Variants in NBEAL2 observed in about 807,000 individuals in gnomAD.
NBEAL2 encodes the protein neurobeachin-like protein 2.
Under a neutral mutation model 299.8 loss-of-function variants are expected in NBEAL2, and 160 were observed. The observed-to-expected ratio is 0.53, with a 90% CI of 0.47 to 0.61. The LOEUF (loss-of-function observed/expected upper bound fraction) is 0.61. NBEAL2 is among the 20% of genes least tolerant of loss of function. The pLI, the probability that NBEAL2 is intolerant of heterozygous loss-of-function variation, is 0.00. For synonymous variants in NBEAL2, 1,493 were observed against 1,542.3 expected (o/e 0.97, Z 0.75); for missense variants, 3,112 against 3,649.0 (o/e 0.85, Z 3.79).
intron 45 of NBEAL2, 73 bp from the exon 46 acceptor site, chr3:47,006,993 A>G (rs891611400): frequency 2.4e-6 from 3 of 1,250,258 alleles, no homozygotes; most frequent in Non-Finnish European, 3.3e-6. Context: ...AAAGGAAGGG[A>G]TGATGCTTCA....
chr3:46,993,967 G>T lies in NBEAL2; in HGVS notation c.1144G>T (p.Val382Phe). Residue 382 changes from valine to phenylalanine, a missense_variant, in exon 11 of 54, where the codon GTC (valine) becomes TTC (phenylalanine). Val to Phe is a conservative substitution (Grantham distance 50). Transcript: ENST00000450053. ...GGACCAAGACACAGACGCCATTGCA[G>T]TCCATGTAGTCAGAGTGCTGACCTG... ...VLDQDTDAIAVHVVRVLTCIM... is the reference protein window; with the variant it reads ...VLDQDTDAIAFHVVRVLTCIM... 1 of 1,611,854 alleles carries T rather than the reference G, an allele frequency of 6.2e-7. No homozygotes were observed. The highest frequency in any genetic ancestry group is 8.5e-7 in the Non-Finnish European group (1 of 1,179,238).
At position 47,009,446 on chromosome 3, in the gene NBEAL2, A is replaced by T; in HGVS notation, c.*126A>T. The T allele has an allele frequency of 1.2e-6, 1 of 866,196 alleles. No homozygotes were observed. The highest frequency in any genetic ancestry group is 1.8e-6 in the Non-Finnish European group (1 of 556,604). The allele number at this position is 866,196 out of a possible 1,614,324, so 53.7% of individuals were successfully genotyped here. ...GGGGTGAGCGGGGCCCACCCTGCCC[A>T]GCTCAGGGATTGGCGGGCGATGTTA... On this transcript the variant is annotated 3_prime_UTR_variant, in exon 54 of 54. Coordinates refer to ENST00000450053, the MANE Select transcript of NBEAL2 (RefSeq NM_015175.3).
In NBEAL2 at chr3:47,000,286, G is replaced by A. The variant is rs1273794795; in HGVS notation, c.4187G>A (p.Arg1396Gln). 1.4e-5 allele frequency: 23 copies of A among 1,612,504 alleles called. No homozygotes were observed. Among genetic ancestry groups the A allele is most frequent in the East Asian group, 6.7e-5 (3 of 44,884 alleles). The change falls in exon 27 of 54, where the codon CGG becomes CAG. Residue 1396 changes from arginine (R) to glutamine (Q), a missense_variant. Coordinates refer to ENST00000450053, the MANE Select transcript of NBEAL2 (RefSeq NM_015175.3). This position sits in a 1 kb window ranked among gnomAD's most constrained non-coding sequence, Gnocchi z 4.5. Reference sequence around the variant, plus strand: ...ACTCCTTCGCCACTGGATGGGCCGCGGCCCTTTCCTGCTGCTCCTGGCCGC... The same window carrying A: ...ACTCCTTCGCCACTGGATGGGCCGCAGCCCTTTCCTGCTGCTCCTGGCCGC... ...PGTPSPLDGP[R>Q]PFPAAPGRHS...
rs1297047007 is a variant in NBEAL2 at position 47,004,330 on chromosome 3, C to G, written c.6135C>G (p.Pro2045=). Residue 2045 remains proline (P), a synonymous_variant, in exon 37 of 54, where the codon CCC becomes CCG. Transcript: ENST00000450053. This position sits in a 1 kb window ranked among gnomAD's most constrained non-coding sequence, Gnocchi z 5.0. ...CGTGGCTCCTGCGCCTACGGCCCCC[C>G]TCTCAAGGCTACCTAAGCAGCCGCT... ...VYSWLLRLRP[P]SQGYLSSRSP... 2 of 1,609,848 alleles carry G rather than the reference C, an allele frequency of 1.2e-6. No homozygotes were observed. The highest frequency in any genetic ancestry group is 1.7e-6 in the Non-Finnish European group (2 of 1,177,298).
At position 47,007,580 on chromosome 3, in the gene NBEAL2, G is replaced by T; in HGVS notation, c.7390G>T (p.Ala2464Ser). The change falls in exon 48 of 54, where the codon GCA (alanine) becomes TCA (serine). Residue 2464 changes from alanine (A) to serine (S), a missense_variant. Ala to Ser is a moderately conservative substitution (Grantham distance 99, BLOSUM62 1). This residue lies in a region of NBEAL2 where 521 missense variants were observed against 729.6 expected (regional missense o/e 0.71). Coordinates refer to ENST00000450053, the MANE Select transcript of NBEAL2 (RefSeq NM_015175.3). The stretch of plus-strand genomic sequence containing the variant: ...GCCAGGCAGTGGTGTGAGTGGACAA[G>T]CACTGGCAGTGGCCCCGGATGGAAA... ...WVPGSGVSGQ[A>S]LAVAPDGKLL... 1 of 1,612,554 alleles carries T rather than the reference G, an allele frequency of 6.2e-7. No individual in the cohort carries two copies. Among genetic ancestry groups the T allele is most frequent in the Non-Finnish European group, 8.5e-7 (1 of 1,179,670 alleles).
intron 1 of NBEAL2, among the ~76,000 whole-genome samples, chr3:46,985,646 C>T (rs958644638): frequency 2.0e-5 from 3 of 152,152 alleles, no homozygotes; most frequent in African/African-American, 7.2e-5. Context: ...CACCGGCCTT[C>T]CACATTCCCA....
chr3:47,008,523 A>G lies in NBEAL2; in HGVS notation c.7882A>G (p.Thr2628Ala). ...TGACACTCCCTGCTTCCTCCAGGTC[A>G]CCTACTCCTTGCACCTGTATTCAGT... ...SAWERPGAQV[T>A]YSLHLYSVNG... The change falls in exon 52 of 54, where the codon ACC (threonine) becomes GCC (alanine). Residue 2628 changes from threonine (T) to alanine (A), a missense_variant. Thr to Ala is a moderately conservative substitution (Grantham distance 58, BLOSUM62 0). This residue lies in a region of NBEAL2 where 348 missense variants were observed against 381.4 expected (regional missense o/e 0.91). Transcript: ENST00000450053. 1 of 1,612,910 alleles carries G rather than the reference A, an allele frequency of 6.2e-7. No individual in the cohort carries two copies. Among genetic ancestry groups the G allele is most frequent in the Non-Finnish European group, 8.5e-7 (1 of 1,179,166 alleles).
Position 46,988,785 on chromosome 3 carries a change from G to C in NBEAL2, c.140+28G>C. 1 of 1,608,316 alleles carries C rather than the reference G, an allele frequency of 6.2e-7. No homozygotes were observed. Among genetic ancestry groups the C allele is most frequent in the Non-Finnish European group, 8.5e-7 (1 of 1,175,354 alleles). On this transcript the variant is annotated intron_variant, in intron 2 of 53. Coordinates refer to ENST00000450053, the MANE Select transcript of NBEAL2 (RefSeq NM_015175.3). This position sits in a 1 kb window ranked among gnomAD's most constrained non-coding sequence, Gnocchi z 4.4. ...GAGGCTGGATCTGCACTGAGGGCAG[G>C]GACAGAGCAGGGAGATTGAGGGGTC...
At chr3:46,994,412 GC>G in intron 11 of NBEAL2, 42 bp from the exon 12 acceptor site, 1 of 1,528,602 alleles carries the variant, frequency 6.5e-7, no homozygotes. Context: ...TTGCCCTCCG[GC>G]CCATGTATGT....
Position 46,997,607 on chromosome 3 carries a change from G to A in NBEAL2, c.2871G>A (p.Leu957=). 1 of 1,600,962 alleles carries A rather than the reference G, an allele frequency of 6.2e-7. No homozygotes were observed. The highest frequency in any genetic ancestry group is 8.5e-7 in the Non-Finnish European group (1 of 1,170,304). ...RNAVAAFLLM[L]RNFLQGHMVN... ...CAGTGGCTGCTTTTCTGCTGATGCT[G>A]CGGAACTTCCTTCAGGGTCACATGG... Residue 957 remains leucine, a synonymous_variant, in exon 20 of 54, where the codon CTG becomes CTA. Coordinates refer to ENST00000450053, the MANE Select transcript of NBEAL2 (RefSeq NM_015175.3).
chr3:47,007,179 A>G (rs760614379), intron 46 of NBEAL2, 24 bp downstream of exon 46: 1 of 1,611,952 alleles, frequency 6.2e-7, no homozygotes, highest in East Asian at 2.2e-5. Context: ...GCAGAGCCCC[A>G]GCTCAGCTCC....
In NBEAL2 at chr3:47,006,224, AT is replaced by A. The variant is rs1559620359; in HGVS notation, c.6980del (p.Ile2327ThrfsTer12). ...ERERKALEGI[I>X]SNFGQTPCQL... ...GGAACGGAAGGCTCTGGAGGGCATT[AT>A]CAGCAACTTTGGGCAGACTCCCTGT... On this transcript the variant is annotated frameshift_variant, in exon 44 of 54. Coordinates refer to ENST00000450053, the MANE Select transcript of NBEAL2 (RefSeq NM_015175.3). LOFTEE classifies it high-confidence loss of function. 6.2e-7 allele frequency: 1 copy of A among 1,613,946 alleles called. No individual in the cohort carries two copies. The highest frequency in any genetic ancestry group is 1.1e-5 in the South Asian group (1 of 91,084).
At position 47,009,223 on chromosome 3, in the gene NBEAL2, G is replaced by T. The variant is rs777940269; in HGVS notation, c.8168G>T (p.Arg2723Leu). The T allele has an allele frequency of 6.3e-7, 1 of 1,594,432 alleles. No individual in the cohort carries two copies. Among genetic ancestry groups the T allele is most frequent in the Non-Finnish European group, 8.5e-7 (1 of 1,172,224 alleles). Residue 2723 changes from arginine (R) to leucine (L), a missense_variant, in exon 54 of 54, where the codon CGC (arginine) becomes CTC (leucine). By Grantham distance (102) the Arg-to-Leu change is moderately radical. This residue lies in a region of NBEAL2 where 348 missense variants were observed against 381.4 expected (regional missense o/e 0.91). Coordinates refer to ENST00000450053, the MANE Select transcript of NBEAL2 (RefSeq NM_015175.3). ...VVVAGQPSEVRSSQFARKLWR... is the reference protein window; with the variant it reads ...VVVAGQPSEVLSSQFARKLWR... ...CTCAACCCTTACGCCCACCAGGTGC[G>T]CAGCAGCCAGTTCGCGCGGAAGCTG...
rs1220324619 is a variant in NBEAL2 at position 47,008,974 on chromosome 3, C to T, written c.8028-15C>T. The T allele has an allele frequency of 6.3e-7, 1 of 1,598,656 alleles. No homozygotes were observed. Among genetic ancestry groups the T allele is most frequent in the Non-Finnish European group, 8.5e-7 (1 of 1,179,822 alleles). On this transcript the variant is annotated splice_polypyrimidine_tract_variant and intron_variant, in intron 52 of 53. Coordinates refer to ENST00000450053, the MANE Select transcript of NBEAL2 (RefSeq NM_015175.3). ...TTGCAGTCGCAAGTTGGTGTATATCCCCTCTCCCTTCCAGACTGCTCCCGG... is the reference window on the plus strand; with the variant it reads ...TTGCAGTCGCAAGTTGGTGTATATCTCCTCTCCCTTCCAGACTGCTCCCGG...
chr3:46,980,571 A>G (rs2107234431), intron 1 of NBEAL2, among the ~76,000 whole-genome samples: 1 of 147,984 alleles, frequency 6.8e-6, no homozygotes, highest in South Asian at 2.3e-4. Context: ...TTTCCTCTGG[A>G]TGCCCAGGGT....
In NBEAL2 at chr3:47,000,399, C is replaced by A. The variant is rs370669649; in HGVS notation, c.4300C>A (p.Pro1434Thr). 6.4e-7 allele frequency: 1 copy of A among 1,568,956 alleles called. No homozygotes were observed. The highest frequency in any genetic ancestry group is 8.7e-7 in the Non-Finnish European group (1 of 1,154,568). Residue 1434 changes from proline (P) to threonine (T), a missense_variant, in exon 27 of 54, where the codon CCA becomes ACA. Physicochemically the swap from Pro to Thr is conservative, Grantham distance 38 (BLOSUM62 -1). Around this residue, in one of 3 missense-constraint regions of NBEAL2, gnomAD observed 2,243 missense variants for 2,538.1 expected, o/e 0.88. Coordinates refer to ENST00000450053, the MANE Select transcript of NBEAL2 (RefSeq NM_015175.3). The surrounding 1 kb of genome is among the most constrained non-coding windows in gnomAD (Gnocchi z 4.5). ...SGDDTSNTSN[P>T]QQTSEEELCN... ...GGATGATACCTCGAACACCAGCAACCCACAGGTGAGGTGGGCCCACCCTCT... is the reference window on the plus strand; with the variant it reads ...GGATGATACCTCGAACACCAGCAACACACAGGTGAGGTGGGCCCACCCTCT...
Position 47,002,970 on chromosome 3 carries a change from C to T in NBEAL2, c.5473C>T (p.Pro1825Ser). Reference sequence around the variant, plus strand: ...GACATTCTGCAGGGACACTCCCATCCCCCGCTGGAAACTGTCCAGCGCCGA... The same window carrying T: ...GACATTCTGCAGGGACACTCCCATCTCCCGCTGGAAACTGTCCAGCGCCGA... ...GAWALRDTPI[P>S]RWKLSSAETY... Residue 1825 changes from proline (P) to serine (S), a missense_variant, in exon 34 of 54, where the codon CCC becomes TCC. Around this residue, in one of 3 missense-constraint regions of NBEAL2, gnomAD observed 2,243 missense variants for 2,538.1 expected, o/e 0.88. Coordinates refer to ENST00000450053, the MANE Select transcript of NBEAL2 (RefSeq NM_015175.3). 1 of 1,613,214 alleles carries T rather than the reference C, an allele frequency of 6.2e-7. No individual in the cohort carries two copies. Among genetic ancestry groups the T allele is most frequent in the Non-Finnish European group, 8.5e-7 (1 of 1,179,814 alleles).
rs1235183750 is a variant in NBEAL2, at chr3:47,002,354, T to C, written c.5152-17T>C. 6.2e-7 allele frequency: 1 copy of C among 1,613,244 alleles called. No individual in the cohort carries two copies. Among genetic ancestry groups the C allele is most frequent in the Non-Finnish European group, 8.5e-7 (1 of 1,179,642 alleles). On this transcript the variant is annotated splice_polypyrimidine_tract_variant and intron_variant, in intron 31 of 53. Transcript: ENST00000450053. ...GGGCCCACATCGAGCACTGTTCTCC[T>C]CTGCCCAATCCTCCAGGTACAGCCA... is the stretch of plus-strand genomic sequence containing the variant.
Position 46,994,585 on chromosome 3 carries a change from A to G in NBEAL2, c.1296+32A>G, listed in dbSNP as rs969829317. 2.6e-6 allele frequency: 4 copies of G among 1,535,328 alleles called. No homozygotes were observed. The African/African-American group carries it at 4.1e-5, about 16-fold the overall frequency. ...GAAGGGGCTTGGGACCAGGGTCCCA[A>G]AGGCAACCAGAACTGAGTCAGGGTT... On this transcript the variant is annotated intron_variant, in intron 12 of 53. Coordinates refer to ENST00000450053, the MANE Select transcript of NBEAL2 (RefSeq NM_015175.3).
Sources: allele counts gnomAD v4.1 joint callset (sites outside exome capture counted in the v4.1 genomes callset), GRCh38; gene constraint gnomAD v4.1.1; regional missense constraint gnomAD v4.1.1; non-coding constraint Gnocchi (gnomAD v3.1); transcripts MANE v1.5; gene names NCBI Gene and HGNC (gene_info 2026-07-23, HGNC 2026-07-21).